Variants in DNAH6 observed in about 807,000 individuals in gnomAD.
DNAH6 encodes the protein dynein axonemal heavy chain 6.
A neutral mutation model predicts 491.4 loss-of-function variants in DNAH6; 340 were observed. The ratio of observed to expected loss-of-function variants is 0.69; its 90% confidence interval spans 0.63 to 0.76. The LOEUF (loss-of-function observed/expected upper bound fraction) is 0.76. Among genes scored for constraint, DNAH6 ranks in the 30% least tolerant of loss-of-function variants. The pLI is 0.00. For synonymous variants in DNAH6, 1,603 were observed against 1,686.1 expected (o/e 0.95, Z 1.21); for missense variants, 4,443 against 4,972.2 (o/e 0.89, Z 3.20).
intron 42 of DNAH6, among the ~76,000 whole-genome samples, chr2:84,682,557 C>A (rs540820606): frequency 1.3e-5 from 2 of 152,238 alleles, no homozygotes; most frequent in East Asian, 3.9e-4. Flanking sequence ...AGTGTGCACC[C>A]TCAGGCATCC....
At chr2:84,531,219 C>G (rs1677139770) in intron 4 of DNAH6, among the ~76,000 whole-genome samples, 1 of 152,102 alleles carries the variant, frequency 6.6e-6, no homozygotes, top group Non-Finnish European at 1.5e-5. Context: ...TCCCAGTGAG[C>G]ACAGGGGTCA....
chr2:84,483,454 A>G, the DNAH6 span, among the ~76,000 whole-genome samples: 40 of 152,262 alleles, frequency 2.6e-4, no homozygotes, highest in African/African-American at 9.4e-4. Flanking sequence ...ACAGTGTTTC[A>G]AACTACCTAC....
At chr2:84,741,287 CAG>C (rs762765937) in intron 62 of DNAH6, among the ~76,000 whole-genome samples, 1 of 152,006 alleles carries the variant, frequency 6.6e-6, no homozygotes, top group Non-Finnish European at 1.5e-5. Context: ...GGCCTGAAAA[CAG>C]GGAGGGCGGA....
At chr2:84,701,399 G>A (rs1279061497) in intron 49 of DNAH6, 60 bp downstream of exon 49, 1 of 1,505,822 alleles carries the variant, frequency 6.6e-7, no homozygotes, top group Non-Finnish European at 8.9e-7. Context: ...TTTTGAGAAT[G>A]CATGGAAACT....
the DNAH6 span, among the ~76,000 whole-genome samples, chr2:84,469,359 A>T: frequency 6.6e-6 from 1 of 152,130 alleles, no homozygotes; most frequent in Non-Finnish European, 1.5e-5. The surrounding 1 kb of genome is among the most constrained non-coding windows in gnomAD (Gnocchi z 4.0). Context: ...TGGCCAAAGC[A>T]AAATACATGT....
intron 35 of DNAH6, among the ~76,000 whole-genome samples, chr2:84,657,388 A>T (rs1691084976): frequency 6.6e-6 from 1 of 151,998 alleles, no homozygotes; most frequent in Admixed American, 6.6e-5. Context: ...TTTAACTGAG[A>T]TTGTGTTGAA....
chr2:84,664,984 G>T (rs1246886068), intron 37 of DNAH6, among the ~76,000 whole-genome samples: 2 of 142,556 alleles, frequency 1.4e-5, no homozygotes, highest in Non-Finnish European at 3.2e-5. Context: ...TGAACAACCT[G>T]CTCCTGAATG....
intron 5 of DNAH6, among the ~76,000 whole-genome samples, chr2:84,545,274 C>T (rs190106678): frequency 6.6e-6 from 1 of 152,230 alleles, no homozygotes; most frequent in East Asian, 1.9e-4. Context: ...CTCTGGCTAA[C>T]ATAAATATTA....
chr2:84,643,898 GT>G (rs1553453872), intron 33 of DNAH6, among the ~76,000 whole-genome samples: 38 of 148,644 alleles, frequency 2.6e-4, no homozygotes, highest in African/African-American at 8.1e-4. Flanking sequence ...TTCAAATTGT[GT>G]TTTTTTTTGT....
At chr2:84,528,371 A>G (rs959330265) in intron 3 of DNAH6, among the ~76,000 whole-genome samples, 2 of 152,222 alleles carry the variant, frequency 1.3e-5, no homozygotes, top group Non-Finnish European at 2.9e-5. Context: ...ATATTAGTTG[A>G]TAAAATCAAT....
intron 47 of DNAH6, among the ~76,000 whole-genome samples, chr2:84,698,871 A>T (rs895596617): frequency 6.6e-6 from 1 of 152,198 alleles, no homozygotes; most frequent in Non-Finnish European, 1.5e-5. Flanking sequence ...AAATAATGAA[A>T]TTGTGTCCTT....
At chr2:84,807,064 G>T (rs1214631350) in intron 71 of DNAH6, among the ~76,000 whole-genome samples, 1 of 152,204 alleles carries the variant, frequency 6.6e-6, no homozygotes, top group Non-Finnish European at 1.5e-5. Context: ...GCTTCATAAA[G>T]CTTGTACTTT....
intron 29 of DNAH6, among the ~76,000 whole-genome samples, chr2:84,633,947 A>G (rs78909100): frequency 1.4e-3 from 216 of 152,306 alleles, no homozygotes; most frequent in African/African-American, 5.1e-3. Context: ...ATTTATATAC[A>G]TGCTTAACCA....
intron 11 of DNAH6, among the ~76,000 whole-genome samples, chr2:84,562,382 C>T (rs142457181): frequency 5.3e-5 from 8 of 152,184 alleles, no homozygotes; most frequent in African/African-American, 1.9e-4. Context: ...AAAAGATTTT[C>T]AGTTTGGCTC....
At position 84,699,585 on chromosome 2, in the gene DNAH6, T is replaced by G; in HGVS notation, c.7678-9T>G. 1 of 1,543,972 alleles carries G rather than the reference T, an allele frequency of 6.5e-7. No individual in the cohort carries two copies. Among genetic ancestry groups the G allele is most frequent in the Non-Finnish European group, 8.7e-7 (1 of 1,143,084 alleles). On this transcript the variant is annotated splice_polypyrimidine_tract_variant and intron_variant, in intron 47 of 76. Transcript: ENST00000389394. ...TTTTAAACTGAAAAAATAACTTTCT[T>G]TTTGTCAGGTGTTTCAATACTTTAT...
At chr2:84,505,494 C>T in the DNAH6 span, among the ~76,000 whole-genome samples, 8 of 152,074 alleles carry the variant, frequency 5.3e-5, no homozygotes, top group South Asian at 1.7e-3. Flanking sequence ...TTTTCATATG[C>T]CCTTCATCAG....
intron 11 of DNAH6, among the ~76,000 whole-genome samples, chr2:84,562,986 T>C (rs1680826567): frequency 6.6e-6 from 1 of 152,184 alleles, no homozygotes; most frequent in Admixed American, 6.5e-5. Context: ...GGGGCGGGTT[T>C]TCCCGTGCTG....
chr2:84,531,563 G>A lies in DNAH6; in HGVS notation c.662+2397G>A, dbSNP rs1186112881. ...GACGGGGTTTCACCGTGTTAGCCAG[G>A]ATGGTCTCGATCTCCTGACCTCGTG... On this transcript the variant is annotated intron_variant, in intron 4 of 76. Transcript: ENST00000389394. 1.4e-3 allele frequency among the ~76,000 whole-genome samples: 2 copies of A among 1,466 alleles called. 1 individual carries two copies. Among genetic ancestry groups the A allele is most frequent in the African/African-American group, 1.8e-3 (2 of 1,114 alleles). The allele number at this position is 1,466 out of a possible 152,430, so 1.0% of individuals were successfully genotyped here.
chr2:84,598,175 C>CTTTCTT (rs1684854421), intron 18 of DNAH6, among the ~76,000 whole-genome samples: 1 of 73,628 alleles, frequency 1.4e-5, no homozygotes, highest in Non-Finnish European at 3.4e-5. Flanking sequence ...TTCTTTCTTT[C>CTTTCTT]TTTCTCTCTT....
Sources: allele counts gnomAD v4.1 joint callset (sites outside exome capture counted in the v4.1 genomes callset), GRCh38; gene constraint gnomAD v4.1.1; non-coding constraint Gnocchi (gnomAD v3.1); transcripts MANE v1.5; gene names NCBI Gene and HGNC (gene_info 2026-07-23, HGNC 2026-07-21).